Variants in MACROD2 observed in about 807,000 individuals in gnomAD.
The protein encoded by MACROD2 is ADP-ribose glycohydrolase MACROD2.
MACROD2 carries 36 observed loss-of-function variants against 70.4 expected under a neutral mutation model. The ratio of observed to expected loss-of-function variants is 0.51; its 90% CI spans 0.39 to 0.68. The LOEUF (loss-of-function observed/expected upper bound fraction) is 0.68. Among genes scored for constraint, MACROD2 ranks in the 30% least tolerant of loss-of-function variants. The probability of loss-of-function intolerance (pLI) is 0.00; values close to 1 mark genes in which losing one functional copy is unlikely to be tolerated. For synonymous variants in MACROD2, 172 were observed against 178.8 expected (o/e 0.96, Z 0.30); for missense variants, 496 against 538.4 (o/e 0.92, Z 0.78).
chr20:15,736,753 G>A (rs960436059), intron 8 of MACROD2, among the ~76,000 whole-genome samples: 1 of 152,172 alleles, frequency 6.6e-6, no homozygotes, highest in African/African-American at 2.4e-5. Context: ...TATGGGCTCT[G>A]CACATACTGA....
chr20:15,119,228 TA>T (rs2076013443), intron 5 of MACROD2, among the ~76,000 whole-genome samples: 1 of 152,234 alleles, frequency 6.6e-6, no homozygotes, highest in Non-Finnish European at 1.5e-5. Flanking sequence ...AAGTTTTGCC[TA>T]TCTAGTTTCA....
At chr20:15,900,987 T>C (rs2065055074) in intron 10 of MACROD2, among the ~76,000 whole-genome samples, 1 of 152,196 alleles carries the variant, frequency 6.6e-6, no homozygotes, top group African/African-American at 2.4e-5. Context: ...TATATTGAAT[T>C]TGAAACAAGA....
chr20:14,162,057 C>G (rs977679313), intron 3 of MACROD2, among the ~76,000 whole-genome samples: 21 of 152,226 alleles, frequency 1.4e-4, no homozygotes, highest in African/African-American at 5.1e-4. Flanking sequence ...TTTGCTGCAT[C>G]CCATAGGTTT....
At chr20:15,686,261 C>T (rs921892911) in intron 8 of MACROD2, among the ~76,000 whole-genome samples, 1 of 151,970 alleles carries the variant, frequency 6.6e-6, no homozygotes, top group Admixed American at 6.5e-5. Context: ...AAATATTTTC[C>T]AGTGGTAATT....
chr20:14,112,253 A>G (rs996529771), intron 3 of MACROD2, among the ~76,000 whole-genome samples: 1 of 151,960 alleles, frequency 6.6e-6, no homozygotes, highest in African/African-American at 2.4e-5. Flanking sequence ...GGGATGGTTA[A>G]TGGGCACAAA....
chr20:14,716,479 A>G (rs1027235733), intron 5 of MACROD2, among the ~76,000 whole-genome samples: 2 of 152,074 alleles, frequency 1.3e-5, no homozygotes, highest in African/African-American at 4.8e-5. Flanking sequence ...CCAATTCTTA[A>G]TTCTTTCTGC....
chr20:15,806,895 A>G (rs2063774269), intron 8 of MACROD2, among the ~76,000 whole-genome samples: 1 of 152,200 alleles, frequency 6.6e-6, no homozygotes, highest in Admixed American at 6.5e-5. Flanking sequence ...CTGAAAGACC[A>G]AAAGAACAAT....
intron 7 of MACROD2, among the ~76,000 whole-genome samples, chr20:15,452,457 A>G (rs1370796342): frequency 6.6e-6 from 1 of 152,188 alleles, no homozygotes; most frequent in Non-Finnish European, 1.5e-5. Flanking sequence ...ATATTTTGAA[A>G]CGCTTGGTCT....
intron 6 of MACROD2, among the ~76,000 whole-genome samples, chr20:15,279,000 G>A (rs986278116): frequency 6.6e-6 from 1 of 152,106 alleles, no homozygotes; most frequent in Non-Finnish European, 1.5e-5. Flanking sequence ...TGCACTTGAA[G>A]TGCATTCAAA....
At chr20:14,499,156 G>A (rs1239084319) in intron 4 of MACROD2, among the ~76,000 whole-genome samples, 1 of 152,160 alleles carries the variant, frequency 6.6e-6, no homozygotes, top group African/African-American at 2.4e-5. Context: ...GAAACTCAGG[G>A]GCTCTGGCCT....
Position 15,551,939 on chromosome 20 carries a change from A to T in MACROD2, c.645+52092A>T, listed in dbSNP as rs2048104807. Among the ~76,000 whole-genome samples, 4 of 151,858 alleles carry T rather than the reference A, an allele frequency of 2.6e-5. No homozygotes were observed. In the South Asian group the frequency reaches 8.3e-4, roughly 32 times the overall value. On this transcript the variant is annotated intron_variant, in intron 8 of 17. Transcript: ENST00000684519. Reference sequence around the variant, plus strand: ...TATTATTCCTTTTTTATTTATGATAATTATATAAGCACTTATTACTTTCAT... The same window carrying T: ...TATTATTCCTTTTTTATTTATGATATTTATATAAGCACTTATTACTTTCAT...
chr20:15,936,718 T>C (rs1335965490), intron 11 of MACROD2, among the ~76,000 whole-genome samples: 1 of 150,074 alleles, frequency 6.7e-6, no homozygotes, highest in Admixed American at 6.7e-5. Flanking sequence ...TATTAAACAT[T>C]GCAAATGATT....
chr20:14,429,482 A>T (rs1192233898), intron 3 of MACROD2, among the ~76,000 whole-genome samples: 1 of 152,194 alleles, frequency 6.6e-6, no homozygotes, highest in Admixed American at 6.5e-5. Flanking sequence ...ATGATCAAAT[A>T]CTTCATATTT....
chr20:14,098,540 T>C (rs1399062828), intron 3 of MACROD2, among the ~76,000 whole-genome samples: 2 of 152,212 alleles, frequency 1.3e-5, no homozygotes, highest in African/African-American at 2.4e-5. Context: ...TGATGTAGAA[T>C]ATATGAATTT....
At chr20:14,099,541 T>A (rs6033882) in intron 3 of MACROD2, among the ~76,000 whole-genome samples, 2,204 of 152,328 alleles carry the variant, frequency 0.014, 50 homozygotes, top group African/African-American at 0.05. Context: ...AATATTTCAT[T>A]GTATAAATAT....
Position 14,326,107 on chromosome 20 carries a change from G to T in MACROD2, c.272-167372G>T. The T allele has an allele frequency of 1.2e-6, 2 of 1,613,898 alleles. No homozygotes were observed. Among genetic ancestry groups the T allele is most frequent in the Non-Finnish European group, 1.7e-6 (2 of 1,179,856 alleles). The stretch of plus-strand genomic sequence containing the variant: ...ATAGGGTGAATCAGGCTCCAGGGCT[G>T]TGACCAAGTACTCACTGCGTTCCCC... On this transcript the variant is annotated intron_variant, in intron 3 of 17. Transcript: ENST00000684519. This position sits in a 1 kb window ranked among gnomAD's most constrained non-coding sequence, Gnocchi z 5.5.
At chr20:15,320,645 C>G (rs530977198) in intron 6 of MACROD2, among the ~76,000 whole-genome samples, 2 of 152,218 alleles carry the variant, frequency 1.3e-5, no homozygotes, top group East Asian at 3.9e-4. Flanking sequence ...GTAAGTAATA[C>G]TAGCTTCAAT....
chr20:15,812,922 G>A (rs528861412), intron 8 of MACROD2, among the ~76,000 whole-genome samples: 6 of 152,278 alleles, frequency 3.9e-5, no homozygotes, highest in African/African-American at 1.2e-4. Context: ...GAATACAATA[G>A]AGAAATGACA....
At chr20:14,840,244 G>C (rs1027060769) in intron 5 of MACROD2, among the ~76,000 whole-genome samples, 4 of 152,030 alleles carry the variant, frequency 2.6e-5, no homozygotes, top group African/African-American at 9.7e-5. Flanking sequence ...CGCCATGTTG[G>C]CCAGGCTGGT....
Sources: gnomAD v4.1 joint callset for allele counts (sites outside exome capture counted in the v4.1 genomes callset) on GRCh38, gnomAD v4.1.1 for gene constraint, Gnocchi (gnomAD v3.1) non-coding constraint, MANE v1.5 for transcripts, NCBI Gene and HGNC (gene_info 2026-07-23, HGNC 2026-07-21) for gene names.